Variants in PARP11 observed in about 807,000 individuals in gnomAD.
PARP11 encodes protein mono-ADP-ribosyltransferase PARP11.
Under a neutral mutation model 42.9 loss-of-function variants are expected in PARP11, and 31 were observed. The observed-to-expected ratio is 0.72, with a 90% CI of 0.54 to 0.98. The LOEUF is 0.98. Among genes scored for constraint, PARP11 ranks in the 50% least tolerant of loss-of-function variants. PARP11 has a pLI of 0.00. For missense variants in PARP11, 365 were observed against 413.1 expected (o/e 0.88, Z 1.01); for synonymous variants, 137 against 127.3 (o/e 1.08, Z -0.51).
chr12:3,838,453 T>C (rs1265193185), intron 1 of PARP11, among the ~76,000 whole-genome samples: 1 of 151,824 alleles, frequency 6.6e-6, no homozygotes, highest in Non-Finnish European at 1.5e-5. Context: ...ACAAAAGCAG[T>C]ACTAAAAGAG....
rs766690366 is a variant in PARP11 at position 3,850,535 on chromosome 12, C to T, written c.19-20517G>A. Among the ~76,000 whole-genome samples the T allele has an allele frequency of 7.2e-4, 110 of 152,306 alleles. 2 individuals carry two copies. Among genetic ancestry groups the T allele is most frequent in the Middle Eastern group, 6.8e-3 (2 of 294 alleles). ...CCTCACATGTCCAGATTCCCCCACG[C>T]AAGCATGTCCACAAAGGGTAATAAA... On this transcript the variant is annotated intron_variant, in intron 1 of 7. Coordinates refer to ENST00000228820, the MANE Select transcript of PARP11 (RefSeq NM_020367.6).
intron 1 of PARP11, chr12:3,872,386 G>T: frequency 3.8e-6 from 1 of 262,464 alleles, no homozygotes; most frequent in Non-Finnish European, 5.9e-6. Context: ...AAGGAGTGGT[G>T]GCTGTGATCC....
At chr12:3,869,138 C>G (rs1023081356) in intron 1 of PARP11, among the ~76,000 whole-genome samples, 1 of 152,012 alleles carries the variant, frequency 6.6e-6, no homozygotes, top group Non-Finnish European at 1.5e-5. Context: ...TTTTAAGGAC[C>G]CTTGCGATTA....
intron 1 of PARP11, among the ~76,000 whole-genome samples, chr12:3,860,790 C>T (rs10400490): frequency 0.1 from 15,969 of 152,218 alleles, 1,307 homozygotes; most frequent in East Asian, 0.43. Context: ...GATCCTTGTG[C>T]TTCAGCTTCC....
At chr12:3,835,896 T>C (rs942877673) in intron 1 of PARP11, among the ~76,000 whole-genome samples, 7 of 152,008 alleles carry the variant, frequency 4.6e-5, no homozygotes, top group African/African-American at 1.7e-4. Flanking sequence ...ATTAGAGAAA[T>C]GTGGGATACC....
rs1948530405 is a variant in PARP11, at chr12:3,873,335, G to C, written c.-106C>G. On this transcript the variant is annotated 5_prime_UTR_variant, in exon 1 of 8. Coordinates refer to ENST00000228820, the MANE Select transcript of PARP11 (RefSeq NM_020367.6). Reference sequence around the variant, plus strand: ...GCGGGTCCCCGGGAGCGAAGGGACGGAGATGCAACCTTTACGAAGGCCTTC... The same window carrying C: ...GCGGGTCCCCGGGAGCGAAGGGACGCAGATGCAACCTTTACGAAGGCCTTC... 5 of 1,080,332 alleles carry C rather than the reference G, an allele frequency of 4.6e-6. No homozygotes were observed. The highest frequency in any genetic ancestry group is 4.0e-5 in the South Asian group (3 of 74,266). 66.9% of individuals were successfully genotyped at this position (1,080,332 alleles called of 1,614,324 possible). A position where few individuals can be genotyped will look rare whatever the true frequency, so the allele number is the denominator to read the frequency against.
At chr12:3,873,090 C>A (rs1421535622) in intron 1 of PARP11, 122 bp downstream of exon 1, 3 of 968,522 alleles carry the variant, frequency 3.1e-6, no homozygotes, top group Non-Finnish European at 4.9e-6. Flanking sequence ...CCGGGAACTC[C>A]GGTCCCGGAA....
At chr12:3,828,383 C>T (rs1372825758) in intron 3 of PARP11, among the ~76,000 whole-genome samples, 1 of 151,772 alleles carries the variant, frequency 6.6e-6, no homozygotes, top group Admixed American at 6.6e-5. Flanking sequence ...GCTGTCTCTA[C>T]TAAAAATACA....
intron 1 of PARP11, among the ~76,000 whole-genome samples, chr12:3,854,395 G>A (rs1452079058): frequency 1.3e-5 from 2 of 151,662 alleles, no homozygotes; most frequent in African/African-American, 2.4e-5. Flanking sequence ...CTAGCAAGAC[G>A]AACAAAGAAG....
chr12:3,814,280 C>T (rs990320644), intron 6 of PARP11, 92 bp from the exon 7 acceptor site: 45 of 975,978 alleles, frequency 4.6e-5, no homozygotes, highest in Non-Finnish European at 6.1e-5. Flanking sequence ...CAATAGAAAG[C>T]GTAAAACAGG....
intron 1 of PARP11, among the ~76,000 whole-genome samples, chr12:3,852,973 A>G (rs904878856): frequency 6.6e-6 from 1 of 152,214 alleles, no homozygotes; most frequent in Middle Eastern, 3.2e-3. Flanking sequence ...GGTGGGGGCC[A>G]ATATTCAGCA....
chr12:3,838,204 A>G (rs1457232323), intron 1 of PARP11, among the ~76,000 whole-genome samples: 2 of 151,570 alleles, frequency 1.3e-5, no homozygotes, highest in Non-Finnish European at 2.9e-5. Context: ...GCCATATCTT[A>G]GGCCACAAAA....
intron 1 of PARP11, among the ~76,000 whole-genome samples, chr12:3,869,981 G>A (rs968381361): frequency 4.6e-5 from 7 of 152,254 alleles, no homozygotes; most frequent in African/African-American, 1.7e-4. Context: ...GCTGGACAAA[G>A]GGATGATTCG....
At chr12:3,869,952 G>C (rs1318873963) in intron 1 of PARP11, among the ~76,000 whole-genome samples, 1 of 152,200 alleles carries the variant, frequency 6.6e-6, no homozygotes, top group East Asian at 1.9e-4. Context: ...GGCAGGTAGA[G>C]TATATGCAGT....
intron 1 of PARP11, among the ~76,000 whole-genome samples, chr12:3,844,755 T>C (rs1947964966): frequency 6.6e-6 from 1 of 152,216 alleles, no homozygotes; most frequent in Non-Finnish European, 1.5e-5. Context: ...TAGCAGATGG[T>C]ACTTTTCTCA....
At chr12:3,834,046 C>G (rs886945284) in intron 1 of PARP11, among the ~76,000 whole-genome samples, 6 of 152,194 alleles carry the variant, frequency 3.9e-5, no homozygotes, top group African/African-American at 1.4e-4. Flanking sequence ...CAGCAGGCTG[C>G]AAATACTGGG....
chr12:3,853,763 C>G (rs545556968), intron 1 of PARP11, among the ~76,000 whole-genome samples: 44 of 152,326 alleles, frequency 2.9e-4, no homozygotes, highest in African/African-American at 1.1e-3. Context: ...AGGACTTGCA[C>G]TCAGCTCTGC....
chr12:3,865,482 T>C (rs11062878), intron 1 of PARP11, among the ~76,000 whole-genome samples: 9,054 of 152,264 alleles, frequency 0.059, 345 homozygotes, highest in East Asian at 0.18. Context: ...ACTGGGTATC[T>C]TTCTATTTCT....
At chr12:3,836,487 T>C (rs560674926) in intron 1 of PARP11, among the ~76,000 whole-genome samples, 69 of 152,334 alleles carry the variant, frequency 4.5e-4, no homozygotes, top group African/African-American at 1.1e-3. Context: ...AGGAAGTTTA[T>C]CAGGCTGAAA....
Sources: allele counts gnomAD v4.1 joint callset (sites outside exome capture counted in the v4.1 genomes callset), GRCh38; gene constraint gnomAD v4.1.1; transcripts MANE v1.5; gene names NCBI Gene and HGNC (gene_info 2026-07-23, HGNC 2026-07-21).